GABRG3: variants seen among roughly 807,000 people sequenced by gnomAD.
GABRG3 encodes gamma-aminobutyric acid receptor subunit gamma-3.
Under a neutral mutation model 48.8 loss-of-function variants are expected in GABRG3, and 25 were observed. That is an observed-to-expected ratio of 0.51 (90% CI 0.37 to 0.72). The LOEUF is 0.72. Among genes scored for constraint, GABRG3 ranks in the 30% least tolerant of loss-of-function variants. The probability of loss-of-function intolerance (pLI) is 0.00; values close to 1 mark genes in which losing one functional copy is unlikely to be tolerated. For missense variants in GABRG3, 394 were observed against 577.9 expected (o/e 0.68, Z 3.26); for synonymous variants, 227 against 217.6 (o/e 1.04, Z -0.38).
intron 5 of GABRG3, among the ~76,000 whole-genome samples, chr15:27,421,862 C>A (rs988794259): frequency 6.6e-6 from 1 of 151,290 alleles, no homozygotes; most frequent in Non-Finnish European, 1.5e-5. Flanking sequence ...TCTAAGATAT[C>A]CATGGGAGTG....
intron 3 of GABRG3, among the ~76,000 whole-genome samples, chr15:27,215,788 A>G (rs1275592623): frequency 1.3e-5 from 2 of 152,202 alleles, no homozygotes; most frequent in South Asian, 4.1e-4. Flanking sequence ...GTGTGATGTC[A>G]GTAAGCTTTG....
At chr15:27,455,681 T>G (rs1440579663) in intron 5 of GABRG3, among the ~76,000 whole-genome samples, 1 of 151,416 alleles carries the variant, frequency 6.6e-6, no homozygotes, top group Non-Finnish European at 1.5e-5. Context: ...GTGCTGTGTG[T>G]GTGCATTTGT....
At chr15:27,376,471 C>T (rs1430324900) in intron 5 of GABRG3, among the ~76,000 whole-genome samples, 1 of 152,236 alleles carries the variant, frequency 6.6e-6, no homozygotes, top group African/African-American at 2.4e-5. Context: ...CCCACCCCTA[C>T]AGCAAACTTC....
rs1267866336 is a variant in GABRG3 at position 27,153,141 on chromosome 15, G to A, written c.270+126320G>A. Among the ~76,000 whole-genome samples the A allele has an allele frequency of 1.3e-4, 20 of 152,316 alleles. 1 individual carries two copies. The highest frequency in any genetic ancestry group is 5.9e-5 in the Non-Finnish European group (4 of 68,012). On this transcript the variant is annotated intron_variant, in intron 3 of 9. Coordinates refer to ENST00000615808, the MANE Select transcript of GABRG3 (RefSeq NM_033223.5). ...CTCCCAAAGTGCTGGGATTACAGGC[G>A]TGAGCCACGGCGCCTGGCCTGAGTT...
intron 5 of GABRG3, among the ~76,000 whole-genome samples, chr15:27,426,039 A>C (rs1404724451): frequency 6.6e-6 from 1 of 152,200 alleles, no homozygotes; most frequent in Non-Finnish European, 1.5e-5. Flanking sequence ...CTGAGTTTGC[A>C]CCAATTTGAA....
chr15:27,496,665 G>A (rs906718760), intron 6 of GABRG3, among the ~76,000 whole-genome samples: 6 of 152,188 alleles, frequency 3.9e-5, no homozygotes, highest in African/African-American at 1.2e-4. Flanking sequence ...GGTAAAGTAT[G>A]TAGACTTCAT....
chr15:27,525,370 G>A (rs922192506), intron 7 of GABRG3, among the ~76,000 whole-genome samples: 2 of 152,188 alleles, frequency 1.3e-5, no homozygotes, highest in African/African-American at 4.8e-5. Flanking sequence ...AGACTCAGCT[G>A]AGATAACCTT....
intron 6 of GABRG3, among the ~76,000 whole-genome samples, chr15:27,486,460 CA>C (rs1346319275): frequency 1.3e-5 from 2 of 151,856 alleles, no homozygotes; most frequent in African/African-American, 4.8e-5. Flanking sequence ...TCTCCAAACT[CA>C]AAAAAAGTAT....
chr15:27,367,088 C>T (rs140747586), intron 5 of GABRG3, among the ~76,000 whole-genome samples: 58 of 152,272 alleles, frequency 3.8e-4, no homozygotes, highest in African/African-American at 1.3e-3. Flanking sequence ...ACATCCACTG[C>T]TTTCCGCAGG....
chr15:26,983,098 T>A (rs920556704), intron 2 of GABRG3, among the ~76,000 whole-genome samples: 2 of 152,056 alleles, frequency 1.3e-5, no homozygotes, highest in African/African-American at 2.4e-5. Flanking sequence ...AGAAGGGCTC[T>A]GCTTTAAAAG....
intron 2 of GABRG3, among the ~76,000 whole-genome samples, chr15:27,010,613 C>T (rs1895667276): frequency 6.6e-6 from 1 of 152,168 alleles, no homozygotes; most frequent in Non-Finnish European, 1.5e-5. Context: ...TCTCTTGAAG[C>T]TCTTGCCTCC....
chr15:27,247,701 A>G (rs1890311252), intron 3 of GABRG3, among the ~76,000 whole-genome samples: 1 of 152,196 alleles, frequency 6.6e-6, no homozygotes, highest in Non-Finnish European at 1.5e-5. Context: ...ACGGTCTCAC[A>G]TGGCTGGGGA....
chr15:27,133,964 A>C (rs1328161580), intron 3 of GABRG3, among the ~76,000 whole-genome samples: 1 of 152,232 alleles, frequency 6.6e-6, no homozygotes, highest in Non-Finnish European at 1.5e-5. Context: ...TAATTGCAGA[A>C]AAATCAAGAA....
At chr15:27,083,488 A>T (rs2140746800) in intron 3 of GABRG3, among the ~76,000 whole-genome samples, 1 of 151,930 alleles carries the variant, frequency 6.6e-6, no homozygotes, top group East Asian at 1.9e-4. Flanking sequence ...ACACACCATC[A>T]TGCCTGGCTA....
chr15:27,316,230 A>G (rs920477226), intron 3 of GABRG3, among the ~76,000 whole-genome samples: 1 of 152,026 alleles, frequency 6.6e-6, no homozygotes, highest in African/African-American at 2.4e-5. Context: ...TACTAAAAAT[A>G]CAAAAAAATT....
At chr15:27,000,381 C>T (rs1895420921) in intron 2 of GABRG3, among the ~76,000 whole-genome samples, 1 of 152,160 alleles carries the variant, frequency 6.6e-6, no homozygotes, top group South Asian at 2.1e-4. Flanking sequence ...GACTCTAGGG[C>T]TAATTACTCC....
At chr15:27,398,358 T>C (rs56033630) in intron 5 of GABRG3, among the ~76,000 whole-genome samples, 8,631 of 152,266 alleles carry the variant, frequency 0.057, 342 homozygotes, top group South Asian at 0.19. Flanking sequence ...AAAACCATGC[T>C]TATTAAATTG....
rs142198916 is a variant in GABRG3 at position 27,336,567 on chromosome 15, C to T, written c.574+7679C>T. 5.7e-3 allele frequency among the ~76,000 whole-genome samples: 864 copies of T among 152,228 alleles called. 5 individuals carry two copies. Among genetic ancestry groups the T allele is most frequent in the African/African-American group, 0.02 (824 of 41,526 alleles). On this transcript the variant is annotated intron_variant, in intron 5 of 9. Transcript: ENST00000615808. ...GGATGTGGAAAACCTGGATACACTG[C>T]TGGTGGGAATGTAGAATGACACAGA... is the stretch of plus-strand genomic sequence containing the variant.
chr15:27,484,515 T>C (rs1890174869), intron 6 of GABRG3, among the ~76,000 whole-genome samples: 1 of 152,216 alleles, frequency 6.6e-6, no homozygotes, highest in South Asian at 2.1e-4. Flanking sequence ...GACACACGTA[T>C]ATTTCCTGCT....
Sources: allele counts gnomAD v4.1 joint callset (sites outside exome capture counted in the v4.1 genomes callset), GRCh38; gene constraint gnomAD v4.1.1; transcripts MANE v1.5; gene names NCBI Gene and HGNC (gene_info 2026-07-23, HGNC 2026-07-21).